Variants in CSMD2 observed in about 807,000 individuals in gnomAD.
CSMD2 encodes CUB and Sushi multiple domains 2.
Under a neutral mutation model 398.5 loss-of-function variants are expected in CSMD2, and 130 were observed. The observed-to-expected ratio is 0.33, with a 90% confidence interval of 0.28 to 0.38. The LOEUF is 0.38. Among genes scored for constraint, CSMD2 ranks in the 10% least tolerant of loss-of-function variants. CSMD2 has a pLI of 1.00. For synonymous variants in CSMD2, 1,828 were observed against 1,908.5 expected, an observed-to-expected ratio of 0.96 and a Z score of 1.10; for missense variants, 3,829 against 4,764.9, an observed-to-expected ratio of 0.80 and a Z score of 5.78.
intron 1 of CSMD2, among the ~76,000 whole-genome samples, chr1:34,091,837 A>G (rs771533486): frequency 1.3e-5 from 2 of 152,206 alleles, no homozygotes; most frequent in African/African-American, 4.8e-5. Flanking sequence ...AAGATTGGGA[A>G]CAAGACAGAG....
At chr1:34,067,065 C>T (rs982556220) in intron 2 of CSMD2, among the ~76,000 whole-genome samples, 22 of 152,114 alleles carry the variant, frequency 1.4e-4, no homozygotes, top group East Asian at 3.9e-4. Flanking sequence ...GATGAATGCC[C>T]GCACCAGGGC....
intron 15 of CSMD2, among the ~76,000 whole-genome samples, chr1:33,732,341 G>C (rs796873355): frequency 2.4e-4 from 37 of 152,338 alleles, no homozygotes; most frequent in African/African-American, 8.7e-4. Context: ...CCAAAATGTA[G>C]AGGTTGAAAC....
chr1:33,770,073 G>A (rs576813626), intron 13 of CSMD2, among the ~76,000 whole-genome samples: 3 of 152,274 alleles, frequency 2.0e-5, no homozygotes, highest in East Asian at 3.9e-4. Context: ...TCTCTCAATC[G>A]AAGTATGACC....
chr1:33,731,908 A>G (rs145416711), intron 15 of CSMD2, among the ~76,000 whole-genome samples: 90 of 152,320 alleles, frequency 5.9e-4, no homozygotes, highest in African/African-American at 2.1e-3. Context: ...TTGCTGCGAA[A>G]TAATCCCAGA....
chr1:34,017,354 G>T (rs1648273086), intron 3 of CSMD2, among the ~76,000 whole-genome samples: 1 of 152,188 alleles, frequency 6.6e-6, no homozygotes, highest in Non-Finnish European at 1.5e-5. Flanking sequence ...GTCACTTCCA[G>T]ATCTTCTCCT....
In CSMD2 at chr1:33,847,189, T is replaced by C. The variant is rs555659011; in HGVS notation, c.921-193A>G. On this transcript the variant is annotated intron_variant, in intron 5 of 70. Transcript: ENST00000373381. ...GCAGCTTGAGATGGCTCCTCCAGGG[T>C]CTCATCCCACTGCTGGGTTTCCCTC... Among the ~76,000 whole-genome samples the C allele has an allele frequency of 4.9e-3, 741 of 152,136 alleles. 6 individuals carry two copies. The highest frequency in any genetic ancestry group is 0.017 in the African/African-American group (693 of 41,516).
intron 13 of CSMD2, among the ~76,000 whole-genome samples, chr1:33,760,524 T>C (rs1481240347): frequency 6.6e-6 from 1 of 152,208 alleles, no homozygotes; most frequent in East Asian, 1.9e-4. Context: ...GGAGCAAATA[T>C]GAATCCTTCT....
Position 33,604,615 on chromosome 1 carries a change from T to C in CSMD2, c.6532+667A>G, listed in dbSNP as rs145181908. ...TAAGGCTTCCTTTTTCAAGACAAAT[T>C]TCTGCCACTCCTCCAGGAAAATGAT... On this transcript the variant is annotated intron_variant, in intron 42 of 70. Coordinates refer to ENST00000373381, the MANE Select transcript of CSMD2 (RefSeq NM_001281956.2). Among the ~76,000 whole-genome samples the C allele has an allele frequency of 7.2e-5, 11 of 152,268 alleles. No homozygotes were observed. In the East Asian group the frequency reaches 2.1e-3, roughly 29 times the overall value.
intron 3 of CSMD2, among the ~76,000 whole-genome samples, chr1:33,989,012 C>CCATATATATA (rs761151412): frequency 2.0e-5 from 1 of 49,028 alleles, no homozygotes; most frequent in African/African-American, 7.4e-5. Flanking sequence ...CTCTCTCTCT[C>CCATATATATA]CATATATATA....
intron 27 of CSMD2, among the ~76,000 whole-genome samples, chr1:33,654,270 G>A (rs1643885242): frequency 6.6e-6 from 1 of 152,130 alleles, no homozygotes; most frequent in African/African-American, 2.4e-5. Context: ...ACAACTCAAT[G>A]AGCAATGGAT....
In CSMD2 at chr1:33,691,865, C is replaced by G. The variant is rs138525685; in HGVS notation, c.4052+1065G>C. Among the ~76,000 whole-genome samples the G allele has an allele frequency of 7.2e-5, 11 of 152,304 alleles. No homozygotes were observed. In the East Asian group the frequency reaches 1.5e-3, roughly 21 times the overall value. ...CTACTCCAGCCAGACTGTTTCCCCC[C>G]CAATTCCCTTGTTCTATCCTCCTTT... On this transcript the variant is annotated intron_variant, in intron 25 of 70. Coordinates refer to ENST00000373381, the MANE Select transcript of CSMD2 (RefSeq NM_001281956.2).
chr1:33,571,511 A>G, intron 51 of CSMD2, 21 bp downstream of exon 51: 1 of 1,408,672 alleles, frequency 7.1e-7, no homozygotes, highest in South Asian at 1.9e-5. Context: ...AAACTTGCCC[A>G]CCCTCCCTTC....
At position 34,165,028 on chromosome 1, in the gene CSMD2, C is replaced by G; in HGVS notation, c.70G>C (p.Gly24Arg). ...GCGCCCGGCACAAGCGCCGAAATCC[C>G]GGTTTCGCCGCGAGCCCTCCCCGCG... ...CPAGRARGET[G>R]ISALVPGAGS... The change falls in exon 1 of 71, where the codon GGG (glycine) becomes CGG (arginine). Residue 24 changes from glycine (G) to arginine (R), a missense_variant. By Grantham distance (125) the Gly-to-Arg change is moderately radical (BLOSUM62 -2). This residue lies in a region of CSMD2 where 184 missense variants were observed against 217.7 expected (regional missense o/e 0.85). Transcript: ENST00000373381. 8.3e-7 allele frequency: 1 copy of G among 1,210,820 alleles called. No individual in the cohort carries two copies. The highest frequency in any genetic ancestry group is 1.6e-5 in the African/African-American group (1 of 63,526). The allele number at this position is 1,210,820 out of a possible 1,614,324, so 75.0% of individuals were successfully genotyped here.
At chr1:33,553,362 G>C (rs1014947509) in intron 55 of CSMD2, among the ~76,000 whole-genome samples, 2 of 152,142 alleles carry the variant, frequency 1.3e-5, no homozygotes, top group Admixed American at 6.5e-5. Flanking sequence ...TATTGTAATT[G>C]TTTTGGGGCG....
intron 3 of CSMD2, among the ~76,000 whole-genome samples, chr1:33,963,701 T>A (rs1645452349): frequency 6.6e-6 from 1 of 152,246 alleles, no homozygotes; most frequent in Non-Finnish European, 1.5e-5. Flanking sequence ...CTCAGGATAG[T>A]TCACTTGATA....
chr1:33,563,799 G>A (rs1026773393), intron 53 of CSMD2, among the ~76,000 whole-genome samples: 30 of 152,126 alleles, frequency 2.0e-4, no homozygotes, highest in Admixed American at 1.3e-4. Flanking sequence ...ACAGCTGTAT[G>A]GAGAAAGGGC....
chr1:33,565,943 T>C (rs1659016533), intron 53 of CSMD2, among the ~76,000 whole-genome samples: 1 of 151,684 alleles, frequency 6.6e-6, no homozygotes, highest in Non-Finnish European at 1.5e-5. Flanking sequence ...AGAAAGAATA[T>C]TCTCAAATGA....
chr1:33,836,415 C>T (rs1016344189), intron 6 of CSMD2, among the ~76,000 whole-genome samples: 1 of 152,206 alleles, frequency 6.6e-6, no homozygotes, highest in Non-Finnish European at 1.5e-5. Flanking sequence ...TTTAAGTCTG[C>T]AGAAGTTTCT....
At chr1:34,114,386 G>C (rs1200746944) in intron 1 of CSMD2, among the ~76,000 whole-genome samples, 2 of 151,586 alleles carry the variant, frequency 1.3e-5, no homozygotes, top group Non-Finnish European at 2.9e-5. Context: ...GAAAAACAAG[G>C]CAACATGGCT....
Sources: gnomAD v4.1 joint callset for allele counts (sites outside exome capture counted in the v4.1 genomes callset) on GRCh38, gnomAD v4.1.1 for gene constraint, gnomAD v4.1.1 regional missense constraint, MANE v1.5 for transcripts, NCBI Gene and HGNC (gene_info 2026-07-23, HGNC 2026-07-21) for gene names.